Variants in LDLRAD3 observed in about 807,000 individuals in gnomAD.
LDLRAD3 encodes low-density lipoprotein receptor class A domain-containing protein 3.
LDLRAD3 carries 20 observed loss-of-function variants against 29.4 expected under a neutral mutation model. The observed-to-expected ratio is 0.68, with a 90% CI of 0.48 to 0.99. The LOEUF is 0.99. LDLRAD3 is among the 50% of genes least tolerant of loss of function. LDLRAD3 has a pLI of 0.00. For synonymous variants in LDLRAD3, 157 were observed against 192.7 expected (o/e 0.81, Z 1.53); for missense variants, 420 against 454.3 (o/e 0.92, Z 0.69).
intron 3 of LDLRAD3, 45 bp downstream of exon 3, chr11:36,081,823 G>T (rs374515952): frequency 1.2e-6 from 2 of 1,607,712 alleles, no homozygotes; most frequent in East Asian, 2.2e-5. Context: ...GTTCTTTCCC[G>T]CCAGCCAAAC....
chr11:35,945,732 A>G (rs760096104), intron 1 of LDLRAD3, among the ~76,000 whole-genome samples: 30 of 152,250 alleles, frequency 2.0e-4, no homozygotes, highest in Admixed American at 8.5e-4. Context: ...GTCCTGGGAG[A>G]GCCACTGTAG....
intron 1 of LDLRAD3, among the ~76,000 whole-genome samples, chr11:36,032,881 C>CT (rs938502931): frequency 2.0e-4 from 29 of 144,420 alleles, no homozygotes; most frequent in East Asian, 2.0e-4. Context: ...CTCCTCATGC[C>CT]TTTTTTTTTT....
intron 4 of LDLRAD3, among the ~76,000 whole-genome samples, chr11:36,117,897 A>G (rs188085744): frequency 6.6e-6 from 1 of 152,322 alleles, no homozygotes; most frequent in African/African-American, 2.4e-5. Flanking sequence ...TCAGGGCTCT[A>G]TGGGGCAGAA....
At chr11:36,002,824 T>C (rs145216738) in intron 1 of LDLRAD3, among the ~76,000 whole-genome samples, 49 of 152,340 alleles carry the variant, frequency 3.2e-4, no homozygotes, top group African/African-American at 1.1e-3. Context: ...GAATTAGAGA[T>C]GGACTGCCTA....
rs917640699 is a variant in LDLRAD3, at chr11:36,227,094, G to T, written c.464G>T (p.Ser155Ile). ...CTCTTGGGTTTCTCAGAACCCGGCAGTGGGCAGGTGTTTGTGACTTCAGAG... is the reference window on the plus strand; with the variant it reads ...CTCTTGGGTTTCTCAGAACCCGGCATTGGGCAGGTGTTTGTGACTTCAGAG... ...ESCESSQEPGSGQVFVTSENQ... is the reference protein window; with the variant it reads ...ESCESSQEPGIGQVFVTSENQ... Residue 155 changes from serine (S) to isoleucine (I), a missense_variant, in exon 5 of 6, where the codon AGT becomes ATT. Transcript: ENST00000315571. 2 of 1,588,774 alleles carry T rather than the reference G, an allele frequency of 1.3e-6. No individual in the cohort carries two copies. The highest frequency in any genetic ancestry group is 1.7e-6 in the Non-Finnish European group (2 of 1,162,228).
chr11:36,132,340 C>T (rs190659895), intron 4 of LDLRAD3, among the ~76,000 whole-genome samples: 19 of 152,202 alleles, frequency 1.2e-4, no homozygotes, highest in African/African-American at 3.9e-4. Flanking sequence ...AAAAAGAAAA[C>T]GTGTGACTGT....
chr11:35,984,881 T>G (rs1005655480), intron 1 of LDLRAD3, among the ~76,000 whole-genome samples: 4 of 151,910 alleles, frequency 2.6e-5, no homozygotes, highest in Non-Finnish European at 5.9e-5. Context: ...CTGCCCGCCT[T>G]GGCCTCCCAA....
chr11:36,124,743 G>C (rs1206408140), intron 4 of LDLRAD3, among the ~76,000 whole-genome samples: 1 of 150,746 alleles, frequency 6.6e-6, no homozygotes, highest in Non-Finnish European at 1.5e-5. Flanking sequence ...CCAGGCTGGA[G>C]TGCAGTGGCA....
chr11:35,973,287 T>C (rs1851438298), intron 1 of LDLRAD3, among the ~76,000 whole-genome samples: 1 of 152,276 alleles, frequency 6.6e-6, no homozygotes, highest in Non-Finnish European at 1.5e-5. Flanking sequence ...CTGTTATATA[T>C]GCACTATAAA....
At chr11:36,131,574 A>T (rs1180788901) in intron 4 of LDLRAD3, among the ~76,000 whole-genome samples, 1 of 152,182 alleles carries the variant, frequency 6.6e-6, no homozygotes, top group South Asian at 2.1e-4. Context: ...ATTATTGGGG[A>T]TGCTTTGCCT....
At chr11:36,168,493 T>C (rs1478791560) in intron 4 of LDLRAD3, among the ~76,000 whole-genome samples, 1 of 111,652 alleles carries the variant, frequency 9.0e-6, no homozygotes, top group Non-Finnish European at 1.9e-5. Context: ...GTTTTTTTCT[T>C]TCTTCTTTTT....
At chr11:36,116,428 G>A (rs1853675220) in intron 4 of LDLRAD3, among the ~76,000 whole-genome samples, 1 of 152,054 alleles carries the variant, frequency 6.6e-6, no homozygotes, top group Admixed American at 6.5e-5. Flanking sequence ...CCTCTTCCAG[G>A]AAGGCGGGGA....
At chr11:36,147,656 A>G (rs141559110) in intron 4 of LDLRAD3, among the ~76,000 whole-genome samples, 115 of 152,286 alleles carry the variant, frequency 7.6e-4, no homozygotes, top group African/African-American at 2.6e-3. Flanking sequence ...TTCCTAAAAC[A>G]ATCAGTGTTT....
intron 4 of LDLRAD3, among the ~76,000 whole-genome samples, chr11:36,223,470 T>C (rs1186558862): frequency 6.6e-6 from 1 of 152,236 alleles, no homozygotes; most frequent in Non-Finnish European, 1.5e-5. Context: ...GACTCACGCC[T>C]GTAATCCCAA....
intron 2 of LDLRAD3, among the ~76,000 whole-genome samples, chr11:36,046,262 G>A (rs1455592480): frequency 3.9e-5 from 6 of 152,094 alleles, no homozygotes; most frequent in South Asian, 4.2e-4. Context: ...GTTGCATGCC[G>A]CCATGCAAGA....
rs999343537 is a variant in LDLRAD3, at chr11:36,156,112, C to T, written c.454+57651C>T. ...TCTGCTGATTCGAGGTAGAGCCTTG[C>T]GATGTGTCAGAAGTCCTTTGCTTTC... On this transcript the variant is annotated intron_variant, in intron 4 of 5. Transcript: ENST00000315571. Among the ~76,000 whole-genome samples, 8 of 152,160 alleles carry T rather than the reference C, an allele frequency of 5.3e-5. No individual in the cohort carries two copies. In the South Asian group the frequency reaches 1.0e-3, roughly 20 times the overall value.
chr11:36,009,841 T>C (rs1385481577), intron 1 of LDLRAD3, among the ~76,000 whole-genome samples: 1 of 151,978 alleles, frequency 6.6e-6, no homozygotes, highest in Admixed American at 6.5e-5. Flanking sequence ...TTATTTTTCT[T>C]ACGAAGAAGT....
intron 4 of LDLRAD3, among the ~76,000 whole-genome samples, chr11:36,099,567 A>G (rs1375206409): frequency 6.6e-6 from 1 of 152,228 alleles, no homozygotes; most frequent in Non-Finnish European, 1.5e-5. Flanking sequence ...TGTGAAAAGA[A>G]AAGTAAGAGA....
At chr11:35,947,967 G>T (rs911684415) in intron 1 of LDLRAD3, among the ~76,000 whole-genome samples, 1 of 152,120 alleles carries the variant, frequency 6.6e-6, no homozygotes, top group Non-Finnish European at 1.5e-5. Context: ...TGGTGTTCAT[G>T]GTAAATACAT....
Sources: gnomAD v4.1 joint callset for allele counts (sites outside exome capture counted in the v4.1 genomes callset) on GRCh38, gnomAD v4.1.1 for gene constraint, MANE v1.5 for transcripts, NCBI Gene and HGNC (gene_info 2026-07-23, HGNC 2026-07-21) for gene names.